Variants in TGM6 observed in about 807,000 individuals in gnomAD.
TGM6 encodes transglutaminase 6, also known as protein-glutamine gamma-glutamyltransferase 6.
Under a neutral mutation model 77.5 loss-of-function variants are expected in TGM6, and 74 were observed. The ratio of observed to expected loss-of-function variants is 0.96; its 90% CI spans 0.79 to 1.16. TGM6 has a LOEUF of 1.16. Ranked by LOEUF, TGM6 falls within the 50% of genes most tolerant of loss-of-function variation. The pLI is 0.00. For missense variants in TGM6, 968 were observed against 940.2 expected (o/e 1.03, Z -0.39); for synonymous variants, 383 against 378.9 (o/e 1.01, Z -0.12).
intron 10 of TGM6, among the ~76,000 whole-genome samples, chr20:2,418,030 T>C (rs2084830786): frequency 6.6e-6 from 1 of 152,094 alleles, no homozygotes; most frequent in Non-Finnish European, 1.5e-5. Context: ...CGGGTTTTTT[T>C]GAGACAGAGT....
chr20:2,400,504 C>A, intron 7 of TGM6, 60 bp downstream of exon 7: 1 of 1,610,030 alleles, frequency 6.2e-7, no homozygotes, highest in East Asian at 2.2e-5. Flanking sequence ...TGGAGCAAGG[C>A]CTCATCTTCC....
chr20:2,417,589 C>A lies in TGM6; in HGVS notation c.1678+16C>A, dbSNP rs1227218127. 6.3e-7 allele frequency: 1 copy of A among 1,591,148 alleles called. No individual in the cohort carries two copies. Among genetic ancestry groups the A allele is most frequent in the South Asian group, 1.1e-5 (1 of 89,416 alleles). On this transcript the variant is annotated intron_variant, in intron 10 of 12. Coordinates refer to ENST00000202625, the MANE Select transcript of TGM6 (RefSeq NM_198994.3). ...CCGCAAGAAGGTAAGTGTACGCTGGCTTGGTGGAATCAGGCCAAACCACCT... is the reference window on the plus strand; with the variant it reads ...CCGCAAGAAGGTAAGTGTACGCTGGATTGGTGGAATCAGGCCAAACCACCT...
chr20:2,428,418 T>C (rs1237582827), intron 10 of TGM6, among the ~76,000 whole-genome samples: 1 of 152,180 alleles, frequency 6.6e-6, no homozygotes, highest in Non-Finnish European at 1.5e-5. Flanking sequence ...TGCCCAAAGC[T>C]CTGCTCATGT....
Position 2,417,584 on chromosome 20 carries a change from G to A in TGM6, c.1678+11G>A, listed in dbSNP as rs376838053. 1.1e-5 allele frequency: 18 copies of A among 1,593,638 alleles called. No homozygotes were observed. In the Admixed American group the frequency reaches 1.4e-4, roughly 12 times the overall value. The stretch of plus-strand genomic sequence containing the variant: ...TGGGGCCGCAAGAAGGTAAGTGTAC[G>A]CTGGCTTGGTGGAATCAGGCCAAAC... On this transcript the variant is annotated intron_variant, in intron 10 of 12. Coordinates refer to ENST00000202625, the MANE Select transcript of TGM6 (RefSeq NM_198994.3).
intron 6 of TGM6, 65 bp from the exon 7 acceptor site, chr20:2,400,241 G>A (rs930898737): frequency 1.1e-5 from 17 of 1,608,950 alleles, no homozygotes; most frequent in Admixed American, 3.3e-5. Flanking sequence ...GGCGCCTGCT[G>A]TGGAAGCCAG....
intron 10 of TGM6, among the ~76,000 whole-genome samples, chr20:2,426,330 T>C (rs927851403): frequency 6.6e-6 from 1 of 152,172 alleles, no homozygotes; most frequent in Non-Finnish European, 1.5e-5. Flanking sequence ...GGAAAATGAT[T>C]GACTTCTGTA....
chr20:2,428,212 T>A (rs1287748861), intron 10 of TGM6, among the ~76,000 whole-genome samples: 1 of 152,210 alleles, frequency 6.6e-6, no homozygotes, highest in Admixed American at 6.5e-5. Flanking sequence ...CCTGCTGTTG[T>A]TGGATGAAAT....
intron 1 of TGM6, among the ~76,000 whole-genome samples, chr20:2,393,488 G>T (rs1282768106): frequency 1.3e-5 from 2 of 152,172 alleles, no homozygotes; most frequent in African/African-American, 2.4e-5. Flanking sequence ...CTATAGCGCT[G>T]CTGGCCACAA....
In TGM6 at chr20:2,400,447, G is replaced by T. The variant is rs771939844; in HGVS notation, c.989+3G>T. The T allele has an allele frequency of 3.1e-6, 5 of 1,614,108 alleles. No homozygotes were observed. Among genetic ancestry groups the T allele is most frequent in the Non-Finnish European group, 4.2e-6 (5 of 1,180,032 alleles). On this transcript the variant is annotated splice_donor_region_variant and intron_variant, in intron 7 of 12. Coordinates refer to ENST00000202625, the MANE Select transcript of TGM6 (RefSeq NM_198994.3). The stretch of plus-strand genomic sequence containing the variant: ...GACCTGACAGAAGACAGCATGTGGT[G>T]GGTCCTGCCCCCAGCCTAGGCCCGA...
In TGM6 at chr20:2,430,474, C is replaced by A; in HGVS notation, c.1707C>A (p.Tyr569Ter). ...AGAGAATCCCAATTACAATATCTTACTCTAAGTATAAAGAAGACCTGACAG... is the reference window on the plus strand; with the variant it reads ...AGAGAATCCCAATTACAATATCTTAATCTAAGTATAAAGAAGACCTGACAG... ...EEKRIPITIS[Y>*]SKYKEDLTED... The change falls in exon 11 of 13, where the codon TAC becomes TAA. Residue 569 changes from tyrosine (Y) to a stop codon, truncating the protein, a stop_gained. Transcript: ENST00000202625. LOFTEE classifies it high-confidence loss of function. 6.2e-7 allele frequency: 1 copy of A among 1,614,196 alleles called. No individual in the cohort carries two copies. Among genetic ancestry groups the A allele is most frequent in the Non-Finnish European group, 8.5e-7 (1 of 1,180,044 alleles).
chr20:2,418,199 G>A (rs2084831847), intron 10 of TGM6, among the ~76,000 whole-genome samples: 1 of 152,150 alleles, frequency 6.6e-6, no homozygotes, highest in African/African-American at 2.4e-5. Context: ...TTTTAGTAGA[G>A]AGGGGGTTTC....
intron 10 of TGM6, among the ~76,000 whole-genome samples, chr20:2,418,787 T>C (rs1191156139): frequency 6.6e-6 from 1 of 152,182 alleles, no homozygotes; most frequent in Admixed American, 6.5e-5. Context: ...TCTTTAAAAA[T>C]ATATTGAGGC....
rs111891107 is a variant in TGM6 at position 2,395,497 on chromosome 20, G to T, written c.424+61G>T. ...AAAAGACATCCTTAGAGGAGAGCCT[G>T]CCCTTGGAGGGGGCCTGGGAGGTGG... On this transcript the variant is annotated intron_variant, in intron 3 of 12. Coordinates refer to ENST00000202625, the MANE Select transcript of TGM6 (RefSeq NM_198994.3). 5,323 of 1,613,700 alleles carry T rather than the reference G, an allele frequency of 3.3e-3. 52 individuals carry two copies. Among genetic ancestry groups the T allele is most frequent in the Middle Eastern group, 0.017 (101 of 6,032 alleles).
chr20:2,409,304 T>C (rs1186820592), intron 9 of TGM6, among the ~76,000 whole-genome samples: 1 of 152,180 alleles, frequency 6.6e-6, no homozygotes, highest in Non-Finnish European at 1.5e-5. Flanking sequence ...AAATGCAATA[T>C]GCCAAAATTT....
chr20:2,420,117 C>T (rs552177730), intron 10 of TGM6, among the ~76,000 whole-genome samples: 49 of 152,172 alleles, frequency 3.2e-4, no homozygotes, highest in South Asian at 4.2e-4. Flanking sequence ...TGGCGGCATG[C>T]GCCTGTAGTC....
In TGM6 at chr20:2,393,114, T is replaced by A. The variant is rs73569446; in HGVS notation, c.8-1338T>A. On this transcript the variant is annotated intron_variant, in intron 1 of 12. Coordinates refer to ENST00000202625, the MANE Select transcript of TGM6 (RefSeq NM_198994.3). ...CCTCAACACTTGTGGATTCTGTATA[T>A]GCACGTTGCTAATATTTATTTTTAA... is the stretch of plus-strand genomic sequence containing the variant. 4.7e-3 allele frequency among the ~76,000 whole-genome samples: 714 copies of A among 152,350 alleles called. 5 individuals carry two copies. Among genetic ancestry groups the A allele is most frequent in the African/African-American group, 0.016 (682 of 41,574 alleles).
intron 10 of TGM6, among the ~76,000 whole-genome samples, chr20:2,425,316 T>C (rs2084880447): frequency 6.6e-6 from 1 of 151,166 alleles, no homozygotes; most frequent in Non-Finnish European, 1.5e-5. Context: ...CCACTGCACT[T>C]ACAGCCTGGG....
intron 1 of TGM6, among the ~76,000 whole-genome samples, chr20:2,383,981 C>A (rs758690212): frequency 5.9e-5 from 9 of 151,914 alleles, no homozygotes; most frequent in Non-Finnish European, 1.2e-4. Context: ...GTGGTGGACA[C>A]CTGTAGTCCC....
intron 3 of TGM6, among the ~76,000 whole-genome samples, chr20:2,396,136 C>T (rs1012990740): frequency 3.2e-4 from 48 of 148,944 alleles, no homozygotes; most frequent in Admixed American, 2.7e-3. Context: ...GCCAAGATTG[C>T]GCCATTGTAC....
Sources: allele counts gnomAD v4.1 joint callset (sites outside exome capture counted in the v4.1 genomes callset), GRCh38; gene constraint gnomAD v4.1.1; transcripts MANE v1.5; gene names NCBI Gene and HGNC (gene_info 2026-07-23, HGNC 2026-07-21).